The following WBP11 variants were observed in gnomAD, a reference collection of about 807,000 sequenced individuals.
WBP11 encodes the protein WW domain-binding protein 11.
WBP11 carries 12 observed loss-of-function variants against 66.7 expected under a neutral mutation model. The observed-to-expected ratio is 0.18, with a 90% CI of 0.12 to 0.29. WBP11 has a LOEUF of 0.29. WBP11 is among the 10% of genes least tolerant of loss of function. The pLI is 1.00. For synonymous variants in WBP11, 255 were observed against 273.8 expected, an observed-to-expected ratio of 0.93 and a Z score of 0.68; for missense variants, 555 against 818.3, an observed-to-expected ratio of 0.68 and a Z score of 3.93.
At position 14,800,740 on chromosome 12, in the gene WBP11, C is replaced by G; in HGVS notation, c.96+12G>C. On this transcript the variant is annotated intron_variant, in intron 3 of 11. Transcript: ENST00000261167. ...ATACTTAAAGTTTTATAAGATGCCTCTAAAATCATACCTTCTTTAATTCTC... is the reference window on the plus strand; with the variant it reads ...ATACTTAAAGTTTTATAAGATGCCTGTAAAATCATACCTTCTTTAATTCTC... 6.2e-7 allele frequency: 1 copy of G among 1,603,936 alleles called. No homozygotes were observed. Among genetic ancestry groups the G allele is most frequent in the South Asian group, 1.1e-5 (1 of 89,928 alleles).
chr12:14,799,053 G>A (rs1949928751), intron 4 of WBP11, among the ~76,000 whole-genome samples: 3 of 152,156 alleles, frequency 2.0e-5, no homozygotes, highest in African/African-American at 7.2e-5. Context: ...TGTGATTCCA[G>A]TTATAACAAA....
chr12:14,802,133 A>G lies in WBP11; in HGVS notation c.-45-705T>C, dbSNP rs149683263. The G allele has an allele frequency of 2.6e-5, 4 of 152,326 alleles. No homozygotes were observed. In the South Asian group the frequency reaches 6.2e-4, roughly 24 times the overall value. 9.4% of individuals were successfully genotyped at this position (152,326 alleles called of 1,614,324 possible). On this transcript the variant is annotated intron_variant, in intron 1 of 11. Coordinates refer to ENST00000261167, the MANE Select transcript of WBP11 (RefSeq NM_016312.3). Reference sequence around the variant, plus strand: ...CTTACTAAGACCTGACTCCCAATATATATTTCTTAAGGTAATTAAAGGGAA... The same window carrying G: ...CTTACTAAGACCTGACTCCCAATATGTATTTCTTAAGGTAATTAAAGGGAA...
rs1949762844 is a variant in WBP11 at position 14,787,169 on chromosome 12, G to C, written c.1822C>G (p.Leu608Val). ...CCAGATTTGGGTGCTGCTTTGGCAA[G>C]AGGCACAGCAGAATCATCCTCTGAC... is the stretch of plus-strand genomic sequence containing the variant. ...RKSEDDSAVP[L>V]AKAAPKSGPS... Residue 608 changes from leucine (L) to valine (V), a missense_variant, in exon 12 of 12, where the codon CTT (leucine) becomes GTT (valine). Around this residue, in one of 6 missense-constraint regions of WBP11, gnomAD observed 50 missense variants for 68.3 expected, o/e 0.73. Coordinates refer to ENST00000261167, the MANE Select transcript of WBP11 (RefSeq NM_016312.3). 6.2e-7 allele frequency: 1 copy of C among 1,613,864 alleles called. No homozygotes were observed. Among genetic ancestry groups the C allele is most frequent in the Non-Finnish European group, 8.5e-7 (1 of 1,180,044 alleles).
chr12:14,800,925 T>A, intron 2 of WBP11, 142 bp from the exon 3 acceptor site: 2 of 638,540 alleles, frequency 3.1e-6, no homozygotes, highest in Non-Finnish European at 2.6e-6. Flanking sequence ...TTCTCTCCAC[T>A]ACATGCCAAG....
intron 1 of WBP11, among the ~76,000 whole-genome samples, chr12:14,802,485 C>G (rs1043474795): frequency 6.6e-6 from 1 of 152,168 alleles, no homozygotes; most frequent in African/African-American, 2.4e-5. Context: ...ACAGCGGTAT[C>G]AAAGGCTCTG....
In WBP11 at chr12:14,803,370, G is replaced by A. The variant is rs1255030160; in HGVS notation, c.-64C>T. 2.5e-6 allele frequency: 1 copy of A among 398,574 alleles called. No homozygotes were observed. Among genetic ancestry groups the A allele is most frequent in the African/African-American group, 2.1e-5 (1 of 48,622 alleles). 24.7% of individuals were successfully genotyped at this position (398,574 alleles called of 1,614,324 possible). On this transcript the variant is annotated 5_prime_UTR_variant, in exon 1 of 12. Coordinates refer to ENST00000261167, the MANE Select transcript of WBP11 (RefSeq NM_016312.3). The stretch of plus-strand genomic sequence containing the variant: ...CACTCACACTTCTGCTGTGCTCCCA[G>A]GACTACGAGAAGCGGGTAGGGGGCG...
rs1212359991 is a variant in WBP11 at position 14,785,656 on chromosome 12, A to G, written c.*1409T>C. On this transcript the variant is annotated 3_prime_UTR_variant, in exon 12 of 12. Coordinates refer to ENST00000261167, the MANE Select transcript of WBP11 (RefSeq NM_016312.3). ...AAAAATCTAAAAATCCATCAACTCA[A>G]CTCTAAGAAAATAAATGCCTTATTG... 1 of 152,088 alleles carries G rather than the reference A, an allele frequency of 6.6e-6. No individual in the cohort carries two copies. Among genetic ancestry groups the G allele is most frequent in the Non-Finnish European group, 1.5e-5 (1 of 68,004 alleles). 9.4% of individuals were successfully genotyped at this position (152,088 alleles called of 1,614,324 possible). A position where few individuals can be genotyped will look rare whatever the true frequency, so the allele number is the denominator to read the frequency against.
At chr12:14,789,385 C>T (rs2137229394) in intron 10 of WBP11, among the ~76,000 whole-genome samples, 1 of 151,648 alleles carries the variant, frequency 6.6e-6, no homozygotes, top group East Asian at 1.9e-4. Flanking sequence ...GAGTTCAAGA[C>T]CATCCTGGCC....
At chr12:14,791,354 G>T in intron 8 of WBP11, 84 bp from the exon 9 acceptor site, 1 of 1,096,578 alleles carries the variant, frequency 9.1e-7, no homozygotes, top group Non-Finnish European at 1.4e-6. Flanking sequence ...TAAAGTACTA[G>T]ATATGATTGC....
At chr12:14,791,096 T>G in intron 9 of WBP11, 73 bp downstream of exon 9, 1 of 1,437,810 alleles carries the variant, frequency 7.0e-7, no homozygotes, top group Non-Finnish European at 9.6e-7. Context: ...AGATACTAAA[T>G]GGAAAAACGT....
chr12:14,796,476 A>C lies in WBP11; in HGVS notation c.387+331T>G, dbSNP rs1949895494. Among the ~76,000 whole-genome samples the C allele has an allele frequency of 6.6e-6, 1 of 152,144 alleles. No individual in the cohort carries two copies. The highest frequency in any genetic ancestry group is 6.5e-5 in the Admixed American group (1 of 15,274). ...TGAGCATCCCTAATCTGAATATCTAAAATGCTCCAAAATCCTAAACTTTTT... is the reference window on the plus strand; with the variant it reads ...TGAGCATCCCTAATCTGAATATCTACAATGCTCCAAAATCCTAAACTTTTT... On this transcript the variant is annotated intron_variant, in intron 5 of 11. Transcript: ENST00000261167. The surrounding 1 kb of genome is among the most constrained non-coding windows in gnomAD (Gnocchi z 4.5).
At chr12:14,792,542 A>G (rs1414577411) in intron 8 of WBP11, among the ~76,000 whole-genome samples, 2 of 131,662 alleles carry the variant, frequency 1.5e-5, no homozygotes, top group South Asian at 4.6e-4. Context: ...AGAATATATA[A>G]GAAAAATCTG....
chr12:14,799,985 T>C (rs912208336), intron 3 of WBP11, among the ~76,000 whole-genome samples: 2 of 152,220 alleles, frequency 1.3e-5, no homozygotes. Flanking sequence ...TAAACACACA[T>C]ACACTTTAAA....
At chr12:14,801,235 A>C in intron 2 of WBP11, 85 bp downstream of exon 2, 2 of 1,376,294 alleles carry the variant, frequency 1.5e-6, no homozygotes, top group Non-Finnish European at 1.0e-6. Context: ...TGGTCTTGTA[A>C]TTAAGCCACA....
chr12:14,789,197 A>G, intron 10 of WBP11, 64 bp from the exon 11 acceptor site: 1 of 1,402,908 alleles, frequency 7.1e-7, no homozygotes, highest in Non-Finnish European at 9.4e-7. Flanking sequence ...ATTATGGCTT[A>G]AAAGTAACTC....
At chr12:14,789,249 G>T in intron 10 of WBP11, 116 bp from the exon 11 acceptor site, 1 of 953,232 alleles carries the variant, frequency 1.0e-6, no homozygotes, top group Non-Finnish European at 1.5e-6. Flanking sequence ...TTAACTTCAA[G>T]AAGTTAATGA....
chr12:14,801,594 C>CT (rs1246266677), intron 1 of WBP11, among the ~76,000 whole-genome samples, 166 bp from the exon 2 acceptor site: 3 of 152,150 alleles, frequency 2.0e-5, no homozygotes, highest in Non-Finnish European at 4.4e-5. Flanking sequence ...CATCACCTTT[C>CT]TTGACCATGA....
At chr12:14,799,507 A>C in intron 4 of WBP11, 128 bp downstream of exon 4, 1 of 873,892 alleles carries the variant, frequency 1.1e-6, no homozygotes, top group South Asian at 2.0e-5. Context: ...CCCTGAAACT[A>C]ACATTAAATC....
intron 6 of WBP11, 93 bp from the exon 7 acceptor site, chr12:14,794,829 G>A (rs1465068550): frequency 1.3e-6 from 2 of 1,540,796 alleles, no homozygotes; most frequent in African/African-American, 1.4e-5. Flanking sequence ...AATTTTCAAG[G>A]GATTTCTTAT....
Sources: gnomAD v4.1 joint callset for allele counts (sites outside exome capture counted in the v4.1 genomes callset) on GRCh38, gnomAD v4.1.1 for gene constraint, gnomAD v4.1.1 regional missense constraint, Gnocchi (gnomAD v3.1) non-coding constraint, MANE v1.5 for transcripts, NCBI Gene and HGNC (gene_info 2026-07-23, HGNC 2026-07-21) for gene names.